PAK5: variants seen among roughly 807,000 people sequenced by gnomAD.
PAK5 encodes p21 (RAC1) activated kinase 5.
A neutral mutation model predicts 65.9 loss-of-function variants in PAK5; 16 were observed. The observed-to-expected ratio is 0.24, with a 90% CI of 0.16 to 0.37. The LOEUF (loss-of-function observed/expected upper bound fraction) is 0.37, where lower values mean the gene tolerates loss of function less well. Ranked by LOEUF, PAK5 falls within the 10% of genes least tolerant of loss-of-function variation. PAK5 has a pLI of 1.00. For missense variants in PAK5, 785 were observed against 903.9 expected (o/e 0.87, Z 1.69); for synonymous variants, 371 against 354.9 (o/e 1.05, Z -0.51).
intron 7 of PAK5, among the ~76,000 whole-genome samples, chr20:9,548,996 T>G (rs1209260763): frequency 1.3e-5 from 2 of 152,112 alleles, no homozygotes; most frequent in Non-Finnish European, 2.9e-5. Context: ...TTATCAAGAA[T>G]CAACCCCAGA....
intron 2 of PAK5, among the ~76,000 whole-genome samples, chr20:9,670,145 C>T (rs2047476831): frequency 6.6e-6 from 1 of 152,114 alleles, no homozygotes; most frequent in Non-Finnish European, 1.5e-5. Flanking sequence ...TGTATATGTG[C>T]CACATTTTCT....
At chr20:9,560,057 A>G (rs1010793221) in intron 6 of PAK5, among the ~76,000 whole-genome samples, 2 of 152,300 alleles carry the variant, frequency 1.3e-5, no homozygotes, top group Admixed American at 1.3e-4. Flanking sequence ...AATTCCGTGA[A>G]ATTTGAGTTA....
At chr20:9,593,225 G>A (rs2046203992) in intron 3 of PAK5, among the ~76,000 whole-genome samples, 1 of 151,900 alleles carries the variant, frequency 6.6e-6, no homozygotes, top group Admixed American at 6.6e-5. Flanking sequence ...GATCCCTTGA[G>A]CCCAGGAGTT....
chr20:9,761,229 T>G (rs1189684347), intron 1 of PAK5, among the ~76,000 whole-genome samples: 1 of 152,116 alleles, frequency 6.6e-6, no homozygotes, highest in East Asian at 1.9e-4. Flanking sequence ...ATTAACTGAA[T>G]GTGCAATCCA....
intron 6 of PAK5, among the ~76,000 whole-genome samples, chr20:9,558,039 T>TTCATTCATTC (rs1568961863): frequency 3.3e-4 from 25 of 76,744 alleles, no homozygotes; most frequent in African/African-American, 2.2e-3. Context: ...TTTATTTATT[T>TTCATTCATTC]ATTTATTCAT....
At chr20:9,705,301 AG>A (rs2047992253) in intron 2 of PAK5, among the ~76,000 whole-genome samples, 1 of 152,168 alleles carries the variant, frequency 6.6e-6, no homozygotes, top group South Asian at 2.1e-4. Context: ...GAACACACAA[AG>A]GGAAAACTAA....
chr20:9,612,399 GC>G (rs2046579612), intron 3 of PAK5, among the ~76,000 whole-genome samples: 1 of 152,170 alleles, frequency 6.6e-6, no homozygotes, highest in South Asian at 2.1e-4. Context: ...GGTTCTGCAG[GC>G]TGTACAGGAA....
chr20:9,703,802 A>T (rs2047971100), intron 2 of PAK5, among the ~76,000 whole-genome samples: 1 of 152,060 alleles, frequency 6.6e-6, no homozygotes. Flanking sequence ...AGGTACTTCA[A>T]TTGTTCAGTG....
At chr20:9,760,911 T>C (rs540333085) in intron 1 of PAK5, among the ~76,000 whole-genome samples, 1 of 152,220 alleles carries the variant, frequency 6.6e-6, no homozygotes, top group African/African-American at 2.4e-5. Context: ...TGACCTCAAG[T>C]GTTCTGCCTG....
intron 3 of PAK5, among the ~76,000 whole-genome samples, chr20:9,610,044 C>A (rs2046529622): frequency 1.3e-5 from 2 of 148,494 alleles, no homozygotes; most frequent in East Asian, 2.2e-4. Flanking sequence ...GAACAACACA[C>A]AAAGGAATTA....
intron 2 of PAK5, among the ~76,000 whole-genome samples, chr20:9,683,202 G>T (rs1352178341): frequency 6.6e-6 from 1 of 152,154 alleles, no homozygotes; most frequent in African/African-American, 2.4e-5. Context: ...TGCAATTTAG[G>T]TTCCTGCCTC....
chr20:9,571,535 C>A (rs1054445214), intron 4 of PAK5, among the ~76,000 whole-genome samples: 1 of 152,238 alleles, frequency 6.6e-6, no homozygotes, highest in African/African-American at 2.4e-5. Flanking sequence ...GGGCGCCCAG[C>A]ACACTGGCCC....
intron 1 of PAK5, among the ~76,000 whole-genome samples, chr20:9,837,695 T>C (rs985610393): frequency 6.6e-6 from 1 of 152,060 alleles, no homozygotes. Flanking sequence ...GCGGTTGCAC[T>C]AGAAGATTTT....
At chr20:9,699,153 T>G (rs1285861910) in intron 2 of PAK5, among the ~76,000 whole-genome samples, 1 of 152,140 alleles carries the variant, frequency 6.6e-6, no homozygotes, top group Non-Finnish European at 1.5e-5. Context: ...TCCTATCAGC[T>G]GCAATAAGCC....
chr20:9,745,661 C>T (rs1391512801), intron 1 of PAK5, among the ~76,000 whole-genome samples: 3 of 152,034 alleles, frequency 2.0e-5, no homozygotes, highest in East Asian at 1.9e-4. Context: ...TGGTGAAAGG[C>T]AGGTTCTAGC....
intron 3 of PAK5, among the ~76,000 whole-genome samples, chr20:9,592,512 T>A (rs2046190028): frequency 6.6e-6 from 1 of 152,220 alleles, no homozygotes; most frequent in Admixed American, 6.5e-5. Context: ...AATACATACA[T>A]TTGTAAAAAT....
At position 9,581,800 on chromosome 20, in the gene PAK5, A is replaced by G. The variant is rs143623030; in HGVS notation, c.205-870T>C. Among the ~76,000 whole-genome samples the G allele has an allele frequency of 1.3e-3, 198 of 152,312 alleles. 2 individuals are homozygous for G. In the East Asian group the frequency reaches 0.033, roughly 26 times the overall value. On this transcript the variant is annotated intron_variant, in intron 3 of 9. Coordinates refer to ENST00000353224, the MANE Select transcript of PAK5 (RefSeq NM_177990.4). The stretch of plus-strand genomic sequence containing the variant: ...TTGACAATGACAGGATTTGCAGGCA[A>G]ATATGATGGGGGTGGATAAAAGAAC...
intron 4 of PAK5, among the ~76,000 whole-genome samples, chr20:9,579,652 AG>A (rs2045943891): frequency 6.6e-6 from 1 of 152,262 alleles, no homozygotes. Flanking sequence ...CTTAATATGA[AG>A]GGCCATCCCC....
chr20:9,784,133 GT>G (rs2048969495), intron 1 of PAK5, among the ~76,000 whole-genome samples: 1 of 152,058 alleles, frequency 6.6e-6, no homozygotes, highest in African/African-American at 2.4e-5. Context: ...GATAAAATAG[GT>G]TTTTACTGGC....
Sources: allele counts gnomAD v4.1 joint callset (sites outside exome capture counted in the v4.1 genomes callset), GRCh38; gene constraint gnomAD v4.1.1; transcripts MANE v1.5; gene names NCBI Gene and HGNC (gene_info 2026-07-23, HGNC 2026-07-21).